Variants in PCDHGB4 observed in about 807,000 individuals in gnomAD.
The protein encoded by PCDHGB4 is protocadherin gamma-B4.
Under a neutral mutation model 60.5 loss-of-function variants are expected in PCDHGB4, and 38 were observed. The observed-to-expected ratio is 0.63, with a 90% CI of 0.48 to 0.82. The LOEUF is 0.82. PCDHGB4 is among the 40% of genes least tolerant of loss of function. The pLI, the probability that PCDHGB4 is intolerant of heterozygous loss-of-function variation, is 0.00. For missense variants in PCDHGB4, 1,109 were observed against 1,209.6 expected (o/e 0.92, Z 1.23); for synonymous variants, 456 against 509.7 (o/e 0.89, Z 1.42).
intron 1 of PCDHGB4, among the ~76,000 whole-genome samples, chr5:141,407,095 T>C (rs1242751445): frequency 6.6e-6 from 1 of 152,370 alleles, no homozygotes; most frequent in East Asian, 1.9e-4. Flanking sequence ...ATTGTTTTAT[T>C]TGTTTGTAAT....
chr5:141,488,131 G>A (rs2099672034), intron 1 of PCDHGB4, among the ~76,000 whole-genome samples: 1 of 152,202 alleles, frequency 6.6e-6, no homozygotes, highest in Non-Finnish European at 1.5e-5. Context: ...GCAGAAAGAG[G>A]AGAGAACTAA....
chr5:141,415,783 A>G, intron 1 of PCDHGB4: 1 of 1,344,604 alleles, frequency 7.4e-7, no homozygotes, highest in Non-Finnish European at 9.5e-7. Context: ...ACTTTCTGGT[A>G]AAATTCACCT....
intron 1 of PCDHGB4, among the ~76,000 whole-genome samples, chr5:141,466,036 G>C (rs981390655): frequency 1.3e-5 from 2 of 152,064 alleles, no homozygotes; most frequent in Non-Finnish European, 2.9e-5. Context: ...GCAGGAGAAC[G>C]GCATGAACCC....
intron 1 of PCDHGB4, among the ~76,000 whole-genome samples, chr5:141,461,001 A>C (rs1309762345): frequency 6.7e-6 from 1 of 150,320 alleles, no homozygotes; most frequent in Admixed American, 6.7e-5. Context: ...ATATATGTGT[A>C]TATATATATA....
chr5:141,480,414 CAA>C (rs10712552), intron 1 of PCDHGB4, among the ~76,000 whole-genome samples: 346 of 147,498 alleles, frequency 2.3e-3, no homozygotes, highest in African/African-American at 8.3e-3. Flanking sequence ...GACCCTGTCT[CAA>C]AAAAAAAAAT....
chr5:141,472,145 A>C (rs1376068421), intron 1 of PCDHGB4, among the ~76,000 whole-genome samples: 1 of 152,244 alleles, frequency 6.6e-6, no homozygotes, highest in Non-Finnish European at 1.5e-5. Context: ...TAAAAGTTTC[A>C]TGGTTACATA....
chr5:141,394,560 G>GGGCT, intron 1 of PCDHGB4: 2 of 1,614,118 alleles, frequency 1.2e-6, no homozygotes, highest in Non-Finnish European at 1.7e-6. Flanking sequence ...CCGCTCCGCA[G>GGGCT]AGCGTGGCTA....
chr5:141,402,357 G>C (rs1486286220), intron 1 of PCDHGB4, among the ~76,000 whole-genome samples: 1 of 151,812 alleles, frequency 6.6e-6, no homozygotes, highest in Non-Finnish European at 1.5e-5. Flanking sequence ...AAAAATGAAT[G>C]TACTTCCAAA....
Position 141,477,656 on chromosome 5 carries a change from C to T in PCDHGB4, c.2398-17151C>T, listed in dbSNP as rs755621234. The T allele has an allele frequency of 1.9e-6, 3 of 1,614,184 alleles. No homozygotes were observed. The South Asian group carries it at 3.3e-5, about 18-fold the overall frequency. ...AGTGGGTCGCTATTTCACAATAAATCGTGACAATGGCATAGTGTCATCCTT... is the reference window on the plus strand; with the variant it reads ...AGTGGGTCGCTATTTCACAATAAATTGTGACAATGGCATAGTGTCATCCTT... On this transcript the variant is annotated intron_variant, in intron 1 of 3. Transcript: ENST00000519479. The surrounding 1 kb of genome is among the most constrained non-coding windows in gnomAD (Gnocchi z 4.9).
At chr5:141,418,449 A>C in intron 1 of PCDHGB4, 1 of 1,614,040 alleles carries the variant, frequency 6.2e-7, no homozygotes, top group Non-Finnish European at 8.5e-7. Context: ...TTAGTATTGC[A>C]GAAGACTCTG....
intron 1 of PCDHGB4, chr5:141,478,354 C>G (rs141625672): frequency 2.8e-5 from 45 of 1,613,660 alleles, no homozygotes; most frequent in Non-Finnish European, 3.2e-5. Flanking sequence ...ACGCGGACGC[C>G]GTGCGGGGAG....
intron 1 of PCDHGB4, among the ~76,000 whole-genome samples, chr5:141,481,153 A>G (rs1376488411): frequency 2.0e-5 from 3 of 152,224 alleles, no homozygotes; most frequent in Non-Finnish European, 4.4e-5. Context: ...TTATTCTGGT[A>G]TTTGCAGAAC....
At chr5:141,448,808 G>C (rs2098608218) in intron 1 of PCDHGB4, among the ~76,000 whole-genome samples, 2 of 152,080 alleles carry the variant, frequency 1.3e-5, no homozygotes, top group Admixed American at 1.3e-4. Flanking sequence ...AGCCAGGCGT[G>C]ATGGCGGGCG....
intron 1 of PCDHGB4, 144 bp downstream of exon 1, chr5:141,390,425 G>A (rs908766072): frequency 9.6e-7 from 1 of 1,042,070 alleles, no homozygotes. Flanking sequence ...TTAAAAAGCT[G>A]TCATATCATT....
intron 1 of PCDHGB4, among the ~76,000 whole-genome samples, chr5:141,469,967 C>G (rs2099217411): frequency 6.6e-6 from 1 of 152,124 alleles, no homozygotes; most frequent in Admixed American, 6.6e-5. Flanking sequence ...CCCATCTGTA[C>G]CAAAAATACA....
intron 3 of PCDHGB4, 90 bp from the exon 4 acceptor site, chr5:141,510,857 A>G (rs1184962556): frequency 6.2e-7 from 1 of 1,605,538 alleles, no homozygotes; most frequent in Non-Finnish European, 8.5e-7. Flanking sequence ...AGGGTGCTGT[A>G]TAGGCATTCA....
chr5:141,485,768 C>G lies in PCDHGB4; in HGVS notation c.2398-9039C>G. ...GGTCCCAGAGCTGCTCCTGGAGAAG[C>G]CTTTGGATCGAGAGAAGCAATCGGA... On this transcript the variant is annotated intron_variant, in intron 1 of 3. Coordinates refer to ENST00000519479, the MANE Select transcript of PCDHGB4 (RefSeq NM_003736.4). The surrounding 1 kb of genome is among the most constrained non-coding windows in gnomAD (Gnocchi z 5.7). 5 of 1,614,192 alleles carry G rather than the reference C, an allele frequency of 3.1e-6. No homozygotes were observed. The South Asian group carries it at 3.3e-5, about 11-fold the overall frequency.
rs150249178 is a variant in PCDHGB4 at position 141,432,742 on chromosome 5, C to A, written c.2397+42461C>A. 154 of 1,614,076 alleles carry A rather than the reference C, an allele frequency of 9.5e-5. No individual in the cohort carries two copies. In the Middle Eastern group the frequency reaches 1.3e-3, roughly 14 times the overall value. On this transcript the variant is annotated intron_variant, in intron 1 of 3. Transcript: ENST00000519479. This position sits in a 1 kb window ranked among gnomAD's most constrained non-coding sequence, Gnocchi z 6.0. ...CTCTCTCCGCCACTGTCACGCTCAC[C>A]GTGGCCGTGGCCGACAGCATCCCCC... is the stretch of plus-strand genomic sequence containing the variant.
At chr5:141,413,570 A>C in intron 1 of PCDHGB4, 1 of 1,613,930 alleles carries the variant, frequency 6.2e-7, no homozygotes. Context: ...GATATCAATG[A>C]CAATGCTCCA....
Sources: gnomAD v4.1 joint callset for allele counts (sites outside exome capture counted in the v4.1 genomes callset) on GRCh38, gnomAD v4.1.1 for gene constraint, Gnocchi (gnomAD v3.1) non-coding constraint, MANE v1.5 for transcripts, NCBI Gene and HGNC (gene_info 2026-07-23, HGNC 2026-07-21) for gene names.